CELSR3: variants seen among roughly 807,000 people sequenced by gnomAD.
CELSR3 encodes EGF-like protein 1.
A neutral mutation model predicts 270.0 loss-of-function variants in CELSR3; 73 were observed. The observed-to-expected ratio is 0.27, with a 90% confidence interval of 0.22 to 0.33. The LOEUF (loss-of-function observed/expected upper bound fraction) is 0.33. CELSR3 is among the 10% of genes least tolerant of loss of function. The pLI, the probability that CELSR3 is intolerant of heterozygous loss-of-function variation, is 1.00. For synonymous variants in CELSR3, 1,780 were observed against 1,905.4 expected (o/e 0.93, Z 1.71); for missense variants, 3,614 against 4,533.8 (o/e 0.80, Z 5.83).
chr3:48,655,675 C>A lies in CELSR3; in HGVS notation c.4741+61G>T, dbSNP rs773372785. ...GCACAGTGAAGCAAACCTGAGGGGA[C>A]TTGGGCCCTGCGTCCTCCAGCACAC... On this transcript the variant is annotated intron_variant, in intron 4 of 34. Coordinates refer to ENST00000164024, the MANE Select transcript of CELSR3 (RefSeq NM_001407.3). The surrounding 1 kb of genome is among the most constrained non-coding windows in gnomAD (Gnocchi z 5.8). 1 of 1,423,506 alleles carries A rather than the reference C, an allele frequency of 7.0e-7. No homozygotes were observed. Among genetic ancestry groups the A allele is most frequent in the African/African-American group, 1.4e-5 (1 of 71,164 alleles). 88.2% of individuals were successfully genotyped at this position (1,423,506 alleles called of 1,614,324 possible).
At position 48,646,049 on chromosome 3, in the gene CELSR3, G is replaced by A; in HGVS notation, c.7463+41C>T. 1 of 1,607,730 alleles carries A rather than the reference G, an allele frequency of 6.2e-7. No homozygotes were observed. Among genetic ancestry groups the A allele is most frequent in the Non-Finnish European group, 8.5e-7 (1 of 1,176,796 alleles). Reference sequence around the variant, plus strand: ...CTGGGACTATTAGTTGGCCTCCCAAGGGCTAACGGGACCAAGGGTTTCCAG... The same window carrying A: ...CTGGGACTATTAGTTGGCCTCCCAAAGGCTAACGGGACCAAGGGTTTCCAG... On this transcript the variant is annotated intron_variant, in intron 22 of 34. Transcript: ENST00000164024. This position sits in a 1 kb window ranked among gnomAD's most constrained non-coding sequence, Gnocchi z 4.8.
At position 48,646,606 on chromosome 3, in the gene CELSR3, C is replaced by G. The variant is rs1296530501; in HGVS notation, c.7295+157G>C. Among the ~76,000 whole-genome samples the G allele has an allele frequency of 1.3e-5, 2 of 152,240 alleles. No homozygotes were observed. Among genetic ancestry groups the G allele is most frequent in the Non-Finnish European group, 2.9e-5 (2 of 68,048 alleles). On this transcript the variant is annotated intron_variant, in intron 21 of 34. Coordinates refer to ENST00000164024, the MANE Select transcript of CELSR3 (RefSeq NM_001407.3). This position sits in a 1 kb window ranked among gnomAD's most constrained non-coding sequence, Gnocchi z 4.8. ...CCTGTGGCTCTGTCACTCTGCACAA[C>G]TCCAGAGAATAAGATTCACACAGAA...
At position 48,640,074 on chromosome 3, in the gene CELSR3, G is replaced by A; in HGVS notation, c.9511C>T (p.Pro3171Ser). ...TGCCGCTGGGGAGACAGGGGCAGAG[G>A]TGGGGGCTGTGGGTCAAGGTCCCGG... ...RTRDLDPQPP[P>S]LPLSPQRQLS... is the part of the protein sequence containing the mutation. Residue 3171 changes from proline (P) to serine (S), a missense_variant, in exon 34 of 35, where the codon CCT (proline) becomes TCT (serine). Coordinates refer to ENST00000164024, the MANE Select transcript of CELSR3 (RefSeq NM_001407.3). The surrounding 1 kb of genome is among the most constrained non-coding windows in gnomAD (Gnocchi z 7.5). 1.2e-6 allele frequency: 2 copies of A among 1,610,754 alleles called. No individual in the cohort carries two copies. The highest frequency in any genetic ancestry group is 1.1e-5 in the South Asian group (1 of 91,052).
At position 48,659,002 on chromosome 3, in the gene CELSR3, C is replaced by T. The variant is rs772586035; in HGVS notation, c.3633G>A (p.Glu1211=). The T allele has an allele frequency of 1.9e-6, 3 of 1,614,172 alleles. No individual in the cohort carries two copies. The South Asian group carries it at 3.3e-5, about 18-fold the overall frequency. ...CCAGCAGCTGCAGCTCATTGCCACGCTCAAAGGAGTAGAAGAGGTGGTCGG... is the reference window on the plus strand; with the variant it reads ...CCAGCAGCTGCAGCTCATTGCCACGTTCAAAGGAGTAGAAGAGGTGGTCGG... ...DVSDHLFYSF[E]RGNELQLLVV... is the part of the protein sequence containing the mutation. Residue 1211 remains glutamate, a synonymous_variant, in exon 1 of 35, where the codon GAG becomes GAA. Transcript: ENST00000164024. The surrounding 1 kb of genome is among the most constrained non-coding windows in gnomAD (Gnocchi z 8.1).
At position 48,653,860 on chromosome 3, in the gene CELSR3, C is replaced by A. The variant is rs775167646; in HGVS notation, c.5278+18G>T. The A allele has an allele frequency of 6.2e-7, 1 of 1,613,148 alleles. No individual in the cohort carries two copies. Among genetic ancestry groups the A allele is most frequent in the Non-Finnish European group, 8.5e-7 (1 of 1,179,402 alleles). ...GATCTGACCCTGCAGGCCCCTCTGCCCCATGCTGCCCACTTACTAAGCTGA... is the reference window on the plus strand; with the variant it reads ...GATCTGACCCTGCAGGCCCCTCTGCACCATGCTGCCCACTTACTAAGCTGA... On this transcript the variant is annotated intron_variant, in intron 8 of 34. Coordinates refer to ENST00000164024, the MANE Select transcript of CELSR3 (RefSeq NM_001407.3). The surrounding 1 kb of genome is among the most constrained non-coding windows in gnomAD (Gnocchi z 6.5).
rs777769871 is a variant in CELSR3, at chr3:48,651,508, T to G, written c.6066-29A>C. On this transcript the variant is annotated intron_variant, in intron 13 of 34. Transcript: ENST00000164024. This position sits in a 1 kb window ranked among gnomAD's most constrained non-coding sequence, Gnocchi z 7.4. ...GGGGTGCAGAGCCAGGTAAGATGCC[T>G]CCACGGTATCCCAGTGACCCTCCCT... 1.9e-6 allele frequency: 3 copies of G among 1,611,694 alleles called. No individual in the cohort carries two copies. The highest frequency in any genetic ancestry group is 2.5e-6 in the Non-Finnish European group (3 of 1,178,552).
Position 48,653,918 on chromosome 3 carries a change from G to A in CELSR3, c.5238C>T (p.Cys1746=), listed in dbSNP as rs200842475. The change falls in exon 8 of 35, where the codon TGC becomes TGT. Residue 1746 remains cysteine (C), a synonymous_variant. Transcript: ENST00000164024. This position sits in a 1 kb window ranked among gnomAD's most constrained non-coding sequence, Gnocchi z 6.5. The stretch of plus-strand genomic sequence containing the variant: ...TGCCGCCGAAGCCCACAGGGCAGTC[G>A]CAGCTGAAGCTGCCCCAGCGCTCCG... ...FCSERWGSFS[C]DCPVGFGGKD... 2.0e-5 allele frequency: 32 copies of A among 1,613,612 alleles called. No individual in the cohort carries two copies. The highest frequency in any genetic ancestry group is 1.6e-4 in the East Asian group (7 of 44,884).
rs764887901 is a variant in CELSR3, at chr3:48,653,888, G to C, written c.5268C>G (p.Asp1756Glu). Reference protein sequence around the residue: ...CDCPVGFGGKDCQLTMAHPHH... With the variant: ...CDCPVGFGGKECQLTMAHPHH... ...ATGCTGCCCACTTACTAAGCTGACA[G>C]TCTTTGCCGCCGAAGCCCACAGGGC... Residue 1756 changes from aspartate to glutamate, a missense_variant, in exon 8 of 35, where the codon GAC (aspartate) becomes GAG (glutamate). This residue lies in a region of CELSR3 where 1,331 missense variants were observed against 1,933.7 expected (regional missense o/e 0.69). Coordinates refer to ENST00000164024, the MANE Select transcript of CELSR3 (RefSeq NM_001407.3). The surrounding 1 kb of genome is among the most constrained non-coding windows in gnomAD (Gnocchi z 6.5). The C allele has an allele frequency of 6.2e-7, 1 of 1,613,750 alleles. No individual in the cohort carries two copies. The highest frequency in any genetic ancestry group is 1.7e-5 in the Admixed American group (1 of 60,028).
chr3:48,643,596 G>T lies in CELSR3; in HGVS notation c.8247C>A (p.Ile2749=), dbSNP rs948565668. ...LFGLLAVNHS[I]LAFHYLHAGL... is the part of the protein sequence containing the mutation. ...CAGCATGGAGGTAGTGGAAGGCTAG[G>T]ATGCTGTGGTTGACTGCCAGGAGCC... The change falls in exon 28 of 35, where the codon ATC becomes ATA. Residue 2749 remains isoleucine, a synonymous_variant. Coordinates refer to ENST00000164024, the MANE Select transcript of CELSR3 (RefSeq NM_001407.3). 21 of 1,551,044 alleles carry T rather than the reference G, an allele frequency of 1.4e-5. No homozygotes were observed. Among genetic ancestry groups the T allele is most frequent in the Admixed American group, 9.8e-5 (5 of 50,994 alleles).
chr3:48,641,363 C>T lies in CELSR3; in HGVS notation c.8986G>A (p.Asp2996Asn), dbSNP rs2047024684. The T allele has an allele frequency of 6.2e-7, 1 of 1,612,162 alleles. No homozygotes were observed. The highest frequency in any genetic ancestry group is 8.5e-7 in the Non-Finnish European group (1 of 1,179,588). Residue 2996 changes from aspartate to asparagine, a missense_variant, in exon 33 of 35, where the codon GAT becomes AAT. Asp to Asn is a conservative substitution (Grantham distance 23). Coordinates refer to ENST00000164024, the MANE Select transcript of CELSR3 (RefSeq NM_001407.3). The surrounding 1 kb of genome is among the most constrained non-coding windows in gnomAD (Gnocchi z 4.8). ...NQPDPALTSG[D>N]ETSLGRAQRQ... is the part of the protein sequence containing the mutation. ...TGGGCCCGGCCCAGAGAAGTCTCAT[C>T]CCCACTGGTCAGGGCCGGGTCTGGC...
At position 48,653,425 on chromosome 3, in the gene CELSR3, T is replaced by C. The variant is rs1559479919; in HGVS notation, c.5448+194A>G. On this transcript the variant is annotated intron_variant, in intron 9 of 34. Transcript: ENST00000164024. This position sits in a 1 kb window ranked among gnomAD's most constrained non-coding sequence, Gnocchi z 6.5. ...GTGCAGCTTGCATAAGAGAGAGCTA[T>C]GCTGGAGCCCTGCACCTGCAGAGGA... Among the ~76,000 whole-genome samples the C allele has an allele frequency of 6.6e-6, 1 of 152,136 alleles. No individual in the cohort carries two copies. Among genetic ancestry groups the C allele is most frequent in the Non-Finnish European group, 1.5e-5 (1 of 68,026 alleles).
chr3:48,662,041 T>A lies in CELSR3; in HGVS notation c.594A>T (p.Arg198Ser). 1 of 1,614,030 alleles carries A rather than the reference T, an allele frequency of 6.2e-7. No individual in the cohort carries two copies. Among genetic ancestry groups the A allele is most frequent in the South Asian group, 1.1e-5 (1 of 91,078 alleles). ...QRNAGTGSRK[R>S]VGTARCCGEL... ...CCCCACAGCAGCGCGCGGTGCCCAC[T>A]CTTTTGCGGGAGCCTGTCCCAGCGT... The change falls in exon 1 of 35, where the codon AGA (arginine) becomes AGT (serine). Residue 198 changes from arginine to serine, a missense_variant. By Grantham distance (110) the Arg-to-Ser change is moderately radical. Coordinates refer to ENST00000164024, the MANE Select transcript of CELSR3 (RefSeq NM_001407.3). The surrounding 1 kb of genome is among the most constrained non-coding windows in gnomAD (Gnocchi z 7.1).
chr3:48,642,368 A>C lies in CELSR3; in HGVS notation c.8655T>G (p.His2885Gln), dbSNP rs1223247740. The part of the protein sequence containing the change: ...GPTDLDVAMF[H>Q]RDAGADSDSD... ...AGGCCCCAACTCCACCAGCATCTCGATGGAACATGGCCACGTCCAGGTCAG... is the reference window on the plus strand; with the variant it reads ...AGGCCCCAACTCCACCAGCATCTCGCTGGAACATGGCCACGTCCAGGTCAG... Residue 2885 changes from histidine to glutamine, a missense_variant, in exon 31 of 35, where the codon CAT (histidine) becomes CAG (glutamine). Physicochemically the swap from His to Gln is conservative, Grantham distance 24. Around this residue, in one of 7 missense-constraint regions of CELSR3, gnomAD observed 1,240 missense variants for 1,351.7 expected, o/e 0.92. Coordinates refer to ENST00000164024, the MANE Select transcript of CELSR3 (RefSeq NM_001407.3). The surrounding 1 kb of genome is among the most constrained non-coding windows in gnomAD (Gnocchi z 6.1). 6.8e-6 allele frequency: 11 copies of C among 1,612,540 alleles called. No homozygotes were observed. In the South Asian group the frequency reaches 1.1e-4, roughly 16 times the overall value.
Position 48,662,672 on chromosome 3 carries a change from C to A in CELSR3, c.-38G>T, listed in dbSNP as rs1302302650. Reference sequence around the variant, plus strand: ...TGCACGGCCTCCACCGCCCCCCGCCCCGGTCCGGGCCTTGGGCTGGCCCCG... The same window carrying A: ...TGCACGGCCTCCACCGCCCCCCGCCACGGTCCGGGCCTTGGGCTGGCCCCG... On this transcript the variant is annotated 5_prime_UTR_variant, in exon 1 of 35. Coordinates refer to ENST00000164024, the MANE Select transcript of CELSR3 (RefSeq NM_001407.3). This position sits in a 1 kb window ranked among gnomAD's most constrained non-coding sequence, Gnocchi z 7.1. 1.2e-5 allele frequency: 13 copies of A among 1,082,916 alleles called. No individual in the cohort carries two copies. The Admixed American group carries it at 1.6e-4, about 13-fold the overall frequency. 67.1% of individuals were successfully genotyped at this position (1,082,916 alleles called of 1,614,324 possible). A position where few individuals can be genotyped will look rare whatever the true frequency, so the allele number is the denominator to read the frequency against.
At chr3:48,643,994 G>A in intron 27 of CELSR3, 1 of 587,686 alleles carries the variant, frequency 1.7e-6, no homozygotes. Context: ...GACTCTGGGG[G>A]GACCCAGAGG....
Position 48,659,638 on chromosome 3 carries a change from A to G in CELSR3, c.2997T>C (p.Thr999=), listed in dbSNP as rs201972487. The part of the protein sequence containing the change: ...DAHANGRVQY[T]FQNGEDGDGD... ...CATCCCCATCTTCACCATTCTGGAA[A>G]GTGTACTGGACCCGGCCATTGGCAT... Residue 999 remains threonine, a synonymous_variant, in exon 1 of 35, where the codon ACT becomes ACC. Transcript: ENST00000164024. The surrounding 1 kb of genome is among the most constrained non-coding windows in gnomAD (Gnocchi z 8.1). The G allele has an allele frequency of 4.8e-5, 77 of 1,614,070 alleles. No individual in the cohort carries two copies. The highest frequency in any genetic ancestry group is 2.4e-5 in the Non-Finnish European group (28 of 1,180,044).
Position 48,641,771 on chromosome 3 carries a change from C to A in CELSR3, c.8824+80G>T. The stretch of plus-strand genomic sequence containing the variant: ...TCAGAAAGACCAGGATGAACCCCAA[C>A]CGCAGGAAAGATGGGGAGCTGGAGG... On this transcript the variant is annotated intron_variant, in intron 32 of 34. Coordinates refer to ENST00000164024, the MANE Select transcript of CELSR3 (RefSeq NM_001407.3). This position sits in a 1 kb window ranked among gnomAD's most constrained non-coding sequence, Gnocchi z 4.8. 3 of 1,352,738 alleles carry A rather than the reference C, an allele frequency of 2.2e-6. No individual in the cohort carries two copies. Among genetic ancestry groups the A allele is most frequent in the Middle Eastern group, 2.7e-4 (1 of 3,712 alleles). The allele number at this position is 1,352,738 out of a possible 1,614,324, so 83.8% of individuals were successfully genotyped here. A position where few individuals can be genotyped will look rare whatever the true frequency, so the allele number is the denominator to read the frequency against.
chr3:48,651,823 T>C lies in CELSR3; in HGVS notation c.5923+54A>G. ...CCTTCAGGTTCCCCAGTCTTCATCA[T>C]GGGCCCCTAACGCCTGCCCAGGTCA... On this transcript the variant is annotated intron_variant, in intron 12 of 34. Coordinates refer to ENST00000164024, the MANE Select transcript of CELSR3 (RefSeq NM_001407.3). The surrounding 1 kb of genome is among the most constrained non-coding windows in gnomAD (Gnocchi z 7.4). 1.3e-6 allele frequency: 2 copies of C among 1,557,712 alleles called. No homozygotes were observed. Among genetic ancestry groups the C allele is most frequent in the South Asian group, 2.5e-5 (2 of 81,602 alleles).
Position 48,648,441 on chromosome 3 carries a change from A to G in CELSR3, c.6798T>C (p.Ser2266=), listed in dbSNP as rs771445793. The change falls in exon 19 of 35, where the codon TCT becomes TCC. Residue 2266 remains serine, a synonymous_variant. Coordinates refer to ENST00000164024, the MANE Select transcript of CELSR3 (RefSeq NM_001407.3). ...HFNENLLWAG[S]ALLAPETGDL... ...CCCCTGTCTCTGGGGCAAGCAGTGC[A>G]GAGCCGGCCCACAGCAGATTCTGGG... 4 of 1,581,142 alleles carry G rather than the reference A, an allele frequency of 2.5e-6. No individual in the cohort carries two copies. The South Asian group carries it at 4.5e-5, about 18-fold the overall frequency.
Sources: gnomAD v4.1 joint callset for allele counts (sites outside exome capture counted in the v4.1 genomes callset) on GRCh38, gnomAD v4.1.1 for gene constraint, gnomAD v4.1.1 regional missense constraint, Gnocchi (gnomAD v3.1) non-coding constraint, MANE v1.5 for transcripts, NCBI Gene and HGNC (gene_info 2026-07-23, HGNC 2026-07-21) for gene names.